Variants in MN1 observed in about 807,000 individuals in gnomAD.
MN1 encodes MN1 proto-oncogene, transcriptional regulator.
MN1 carries 19 observed loss-of-function variants against 86.9 expected under a neutral mutation model. The ratio of observed to expected loss-of-function variants is 0.22; its 90% CI spans 0.15 to 0.32. The LOEUF is 0.32. MN1 is among the 10% of genes least tolerant of loss of function. MN1 has a pLI of 1.00. For missense variants in MN1, 1,841 were observed against 1,862.0 expected (o/e 0.99, Z 0.21); for synonymous variants, 928 against 849.6 (o/e 1.09, Z -1.60).
rs57257445 is a variant in MN1, at chr22:27,785,056, CCACACACACACACACA to C, written c.3781+11691_3781+11706del. On this transcript the variant is annotated intron_variant, in intron 1 of 1. Transcript: ENST00000302326. Reference sequence around the variant, plus strand: ...ATATAGATGTGCGTGCTGGCATCCGCCACACACACACACACACACACACACACACACACACACACAC... The same window carrying C: ...ATATAGATGTGCGTGCTGGCATCCGCCACACACACACACACACACACACAC... 2.5e-3 allele frequency among the ~76,000 whole-genome samples: 362 copies of C among 144,918 alleles called. 1 individual carries two copies. The highest frequency in any genetic ancestry group is 8.3e-3 in the African/African-American group (321 of 38,444).
At chr22:27,791,317 C>T (rs1256432276) in intron 1 of MN1, among the ~76,000 whole-genome samples, 2 of 152,200 alleles carry the variant, frequency 1.3e-5, no homozygotes, top group South Asian at 2.1e-4. Flanking sequence ...TTCTCAATCA[C>T]GCACTCATGT....
chr22:27,773,614 G>A (rs1239865440), intron 1 of MN1, among the ~76,000 whole-genome samples: 1 of 152,192 alleles, frequency 6.6e-6, no homozygotes, highest in East Asian at 1.9e-4. Context: ...AAGAGAGGAT[G>A]CTAGGACCCA....
intron 1 of MN1, among the ~76,000 whole-genome samples, chr22:27,789,623 AT>A (rs1336366373): frequency 1.3e-5 from 2 of 152,262 alleles, no homozygotes; most frequent in East Asian, 1.9e-4. Flanking sequence ...TTATTGGGGA[AT>A]TTTTTCTCCC....
intron 1 of MN1, among the ~76,000 whole-genome samples, chr22:27,761,059 G>A (rs780895092): frequency 2.0e-5 from 3 of 152,172 alleles, no homozygotes; most frequent in South Asian, 4.1e-4. Context: ...ACCCAGAGAC[G>A]TCTGATGTCA....
At chr22:27,785,056 C>CCACACACACACACACACACACA (rs57257445) in intron 1 of MN1, among the ~76,000 whole-genome samples, 24 of 144,832 alleles carry the variant, frequency 1.7e-4, no homozygotes, top group Admixed American at 1.3e-3. Flanking sequence ...CTGGCATCCG[C>CCACACACACACACACACACACA]CACACACACA....
At position 27,774,498 on chromosome 22, in the gene MN1, C is replaced by T. The variant is rs1601331464; in HGVS notation, c.3781+22265G>A. Among the ~76,000 whole-genome samples the T allele has an allele frequency of 2.6e-5, 4 of 152,354 alleles. No individual in the cohort carries two copies. The Middle Eastern group carries it at 0.014, about 518-fold the overall frequency. On this transcript the variant is annotated intron_variant, in intron 1 of 1. Coordinates refer to ENST00000302326, the MANE Select transcript of MN1 (RefSeq NM_002430.3). ...CTAGGGCAGGGCCTCCTGCTTTCAG[C>T]TCCCACTGGGAACCCCCACCCTCCT... is the stretch of plus-strand genomic sequence containing the variant.
intron 1 of MN1, among the ~76,000 whole-genome samples, chr22:27,784,987 C>T (rs1933103746): frequency 6.6e-6 from 1 of 150,722 alleles, no homozygotes; most frequent in Non-Finnish European, 1.5e-5. Context: ...AAATTGCAAT[C>T]GTTTTTTGGT....
chr22:27,790,012 G>T (rs1933189118), intron 1 of MN1, among the ~76,000 whole-genome samples: 1 of 152,210 alleles, frequency 6.6e-6, no homozygotes, highest in Non-Finnish European at 1.5e-5. Flanking sequence ...CAACCCCTTG[G>T]ATTTCAAGAC....
At chr22:27,752,540 A>G (rs1279520945) in intron 1 of MN1, among the ~76,000 whole-genome samples, 1 of 152,220 alleles carries the variant, frequency 6.6e-6, no homozygotes, top group Admixed American at 6.5e-5. Flanking sequence ...ACGCTTGAGG[A>G]GAAAGGAGCC....
chr22:27,790,792 T>C (rs901667970), intron 1 of MN1, among the ~76,000 whole-genome samples: 4 of 152,080 alleles, frequency 2.6e-5, no homozygotes, highest in Non-Finnish European at 4.4e-5. Flanking sequence ...CCACGTACGC[T>C]CACGCACAAA....
intron 1 of MN1, among the ~76,000 whole-genome samples, chr22:27,768,918 G>A (rs1345005271): frequency 6.6e-6 from 1 of 152,192 alleles, no homozygotes; most frequent in East Asian, 1.9e-4. Context: ...CAGGGCCTAT[G>A]GAGGACATTT....
intron 1 of MN1, among the ~76,000 whole-genome samples, chr22:27,788,054 A>G (rs1445057875): frequency 2.0e-5 from 3 of 152,322 alleles, no homozygotes; most frequent in East Asian, 1.9e-4. Context: ...CAAGTAATTC[A>G]TACACCCTCA....
At position 27,750,781 on chromosome 22, in the gene MN1, G is replaced by GAAAAA; in HGVS notation, c.*129_*133dup. The stretch of plus-strand genomic sequence containing the variant: ...GCCACTAAGCAGGTACCAACCTAGA[G>GAAAAA]AAAAAAAAAAAACTCATCCACTCAG... On this transcript the variant is annotated 3_prime_UTR_variant, in exon 2 of 2. Coordinates refer to ENST00000302326, the MANE Select transcript of MN1 (RefSeq NM_002430.3). The GAAAAA allele has an allele frequency of 4.0e-6, 2 of 497,640 alleles. No individual in the cohort carries two copies. The highest frequency in any genetic ancestry group is 3.7e-5 in the South Asian group (1 of 27,298). The allele number at this position is 497,640 out of a possible 1,614,324, so 30.8% of individuals were successfully genotyped here.
chr22:27,788,696 C>T lies in MN1; in HGVS notation c.3781+8067G>A, dbSNP rs1401687394. ...GAAGTTATGTGTGTGTGTGTGCACG[C>T]GTGTGTGTGTGCACGCACGTGTGTA... On this transcript the variant is annotated intron_variant, in intron 1 of 1. Transcript: ENST00000302326. Among the ~76,000 whole-genome samples, 11 of 148,002 alleles carry T rather than the reference C, an allele frequency of 7.4e-5. No individual in the cohort carries two copies. In the South Asian group the frequency reaches 1.0e-3, roughly 14 times the overall value.
At chr22:27,795,789 T>G (rs544652594) in intron 1 of MN1, among the ~76,000 whole-genome samples, 49 of 152,200 alleles carry the variant, frequency 3.2e-4, no homozygotes, top group African/African-American at 1.1e-3. Flanking sequence ...AAAATAAATA[T>G]CTACGGCAAC....
In MN1 at chr22:27,751,074, C is replaced by G. The variant is rs1398750225; in HGVS notation, c.3804G>C (p.Lys1268Asn). Residue 1268 changes from lysine to asparagine, a missense_variant, in exon 2 of 2, where the codon AAG becomes AAC. Coordinates refer to ENST00000302326, the MANE Select transcript of MN1 (RefSeq NM_002430.3). ...GGCTGCCAGGCTGGGATGCTGAGGCCTTGTTTGCAGGGAGGTCGTGGGCTG... is the reference window on the plus strand; with the variant it reads ...GGCTGCCAGGCTGGGATGCTGAGGCGTTGTTTGCAGGGAGGTCGTGGGCTG... ...SKEAHDLPAN[K>N]ASASQPGSHL... The G allele has an allele frequency of 6.3e-7, 1 of 1,587,988 alleles. No individual in the cohort carries two copies. The highest frequency in any genetic ancestry group is 8.6e-7 in the Non-Finnish European group (1 of 1,163,502).
rs971237783 is a variant in MN1 at position 27,801,727 on chromosome 22, C to T, written c.-1184G>A. 4.7e-4 allele frequency among the ~76,000 whole-genome samples: 72 copies of T among 152,192 alleles called. 1 individual carries two copies. The highest frequency in any genetic ancestry group is 1.3e-4 in the Admixed American group (2 of 15,290). On this transcript the variant is annotated 5_prime_UTR_variant, in exon 1 of 2. Coordinates refer to ENST00000302326, the MANE Select transcript of MN1 (RefSeq NM_002430.3). ...TCTCGGCTCCCCTCTCTGTGTCTGC[C>T]TCTCGCCCAGCGCCGGGAGAAGCAG...
In MN1 at chr22:27,797,862, G is replaced by A; in HGVS notation, c.2682C>T (p.Ser894=). ...CTTTGGAGCCGCTGCTACTGGTCCC[G>A]GACGGGCCTCCGGGTCCTGGGGCCC... ...APGAPGPGGP[S]GTSSSGSKAS... Residue 894 remains serine (S), a synonymous_variant, in exon 1 of 2, where the codon TCC becomes TCT. Coordinates refer to ENST00000302326, the MANE Select transcript of MN1 (RefSeq NM_002430.3). 1.3e-6 allele frequency: 2 copies of A among 1,586,586 alleles called. No individual in the cohort carries two copies. Among genetic ancestry groups the A allele is most frequent in the Non-Finnish European group, 1.7e-6 (2 of 1,168,138 alleles).
At chr22:27,762,839 CTG>C (rs1389665480) in intron 1 of MN1, among the ~76,000 whole-genome samples, 1 of 151,954 alleles carries the variant, frequency 6.6e-6, no homozygotes, top group Non-Finnish European at 1.5e-5. Flanking sequence ...TGGCTCATGA[CTG>C]TAATTCCAAC....
Sources: gnomAD v4.1 joint callset for allele counts (sites outside exome capture counted in the v4.1 genomes callset) on GRCh38, gnomAD v4.1.1 for gene constraint, MANE v1.5 for transcripts, NCBI Gene and HGNC (gene_info 2026-07-23, HGNC 2026-07-21) for gene names.